Variants in POLE4 observed in about 807,000 individuals in gnomAD.
POLE4 encodes DNA polymerase epsilon subunit 4.
Under a neutral mutation model 15.6 loss-of-function variants are expected in POLE4, and 15 were observed. The ratio of observed to expected loss-of-function variants is 0.96; its 90% CI spans 0.64 to 1.48. The LOEUF (loss-of-function observed/expected upper bound fraction) is 1.48. Among genes scored for constraint, POLE4 ranks in the 40% most tolerant of loss-of-function variants. The pLI is 0.00. For synonymous variants in POLE4, 83 were observed against 63.2 expected (o/e 1.31, Z -1.49); for missense variants, 205 against 151.9 (o/e 1.35, Z -1.84).
Position 74,958,647 on chromosome 2 carries a change from T to G in POLE4, c.-33T>G, listed in dbSNP as rs1671158061. 2.9e-6 allele frequency: 4 copies of G among 1,390,286 alleles called. No homozygotes were observed. Among genetic ancestry groups the G allele is most frequent in the Non-Finnish European group, 3.7e-6 (4 of 1,077,290 alleles). The allele number at this position is 1,390,286 out of a possible 1,614,324, so 86.1% of individuals were successfully genotyped here. Reference sequence around the variant, plus strand: ...GCCTGCGCCGCATGCGCGCGCACAGTCGGCGGCCGCGCGCAGCACGCTCAA... The same window carrying G: ...GCCTGCGCCGCATGCGCGCGCACAGGCGGCGGCCGCGCGCAGCACGCTCAA... On this transcript the variant is annotated 5_prime_UTR_variant, in exon 1 of 4. Transcript: ENST00000483063.
At chr2:74,963,081 A>G (rs72822160) in intron 3 of POLE4, among the ~76,000 whole-genome samples, 2,809 of 152,332 alleles carry the variant, frequency 0.018, 31 homozygotes, top group Non-Finnish European at 0.025. Context: ...ATTATAAACA[A>G]TTTGCTGTGA....
intron 3 of POLE4, chr2:74,961,302 T>A (rs1449732764): frequency 6.6e-6 from 1 of 152,234 alleles, no homozygotes; most frequent in Non-Finnish European, 1.5e-5. Context: ...AGATATTTTT[T>A]AAATGTCTTA....
At chr2:74,959,604 G>A (rs1186335079) in intron 2 of POLE4, 179 bp downstream of exon 2, 2 of 563,704 alleles carry the variant, frequency 3.5e-6, no homozygotes, top group East Asian at 3.0e-5. Flanking sequence ...GCTTGGGGTG[G>A]CGGGGCAGTG....
rs138552089 is a variant in POLE4 at position 74,959,984 on chromosome 2, G to A, written c.299-121G>A. The A allele has an allele frequency of 3.5e-3, 2,602 of 741,924 alleles. 10 individuals carry two copies. The highest frequency in any genetic ancestry group is 5.5e-3 in the Non-Finnish European group (2,263 of 414,744). 46.0% of individuals were successfully genotyped at this position (741,924 alleles called of 1,614,324 possible). A position where few individuals can be genotyped will look rare whatever the true frequency, so the allele number is the denominator to read the frequency against. On this transcript the variant is annotated intron_variant, in intron 2 of 3. Transcript: ENST00000483063. ...TATGGATCTCAAGGCAGCAAGGGACGCATCTTATAAATGCCCTCATTTGCC... is the reference window on the plus strand; with the variant it reads ...TATGGATCTCAAGGCAGCAAGGGACACATCTTATAAATGCCCTCATTTGCC...
chr2:74,958,699 C>A lies in POLE4; in HGVS notation c.20C>A (p.Ala7Glu). ...GCCGGGATGGCGGCGGCGGCGGCGG[C>A]AGGAAGCGGGACGCCCCGAGAGGAG... MAAAAA[A>E]GSGTPREEEG... The change falls in exon 1 of 4, where the codon GCA becomes GAA. Residue 7 changes from alanine (A) to glutamate (E), a missense_variant. Coordinates refer to ENST00000483063, the MANE Select transcript of POLE4 (RefSeq NM_019896.4). The A allele has an allele frequency of 6.8e-7, 1 of 1,473,938 alleles. No homozygotes were observed. Among genetic ancestry groups the A allele is most frequent in the South Asian group, 1.3e-5 (1 of 75,686 alleles). The allele number at this position is 1,473,938 out of a possible 1,614,324, so 91.3% of individuals were successfully genotyped here.
chr2:74,969,272 A>G, intron 3 of POLE4, 137 bp from the exon 4 acceptor site: 1 of 791,280 alleles, frequency 1.3e-6, no homozygotes, highest in Non-Finnish European at 2.3e-6. Flanking sequence ...TGGATGGATC[A>G]TCCTCAAAAT....
chr2:74,963,671 G>A (rs1272235001), intron 3 of POLE4, among the ~76,000 whole-genome samples: 1 of 151,902 alleles, frequency 6.6e-6, no homozygotes, highest in African/African-American at 2.4e-5. Flanking sequence ...CATTTTTTTG[G>A]TAGAGATGGG....
At chr2:74,963,388 G>A (rs1573427960) in intron 3 of POLE4, among the ~76,000 whole-genome samples, 1 of 152,048 alleles carries the variant, frequency 6.6e-6, no homozygotes. Flanking sequence ...GACATTGGGC[G>A]TCTTTTCATA....
Position 74,969,287 on chromosome 2 carries a change from A to G in POLE4, c.341-122A>G, listed in dbSNP as rs149388259. On this transcript the variant is annotated intron_variant, in intron 3 of 3. Transcript: ENST00000483063. ...TGGATGGATCATCCTCAAAATTAGTATTTTGGTCTTAGAGAACTGCTGCCA... is the reference window on the plus strand; with the variant it reads ...TGGATGGATCATCCTCAAAATTAGTGTTTTGGTCTTAGAGAACTGCTGCCA... The G allele has an allele frequency of 1.0e-3, 887 of 852,036 alleles. 9 individuals carry two copies. The highest frequency in any genetic ancestry group is 8.0e-3 in the South Asian group (601 of 74,664). 52.8% of individuals were successfully genotyped at this position (852,036 alleles called of 1,614,324 possible).
At chr2:74,961,244 C>T (rs1317806871) in intron 3 of POLE4, 1 of 152,220 alleles carries the variant, frequency 6.6e-6, no homozygotes, top group East Asian at 1.9e-4. Context: ...CTTTTTTACT[C>T]CTTTGTTCTG....
chr2:74,965,166 T>C (rs1316685186), intron 3 of POLE4, among the ~76,000 whole-genome samples: 1 of 150,996 alleles, frequency 6.6e-6, no homozygotes, highest in African/African-American at 2.4e-5. Flanking sequence ...CGATCTCAGC[T>C]CATTGCAACC....
Position 74,958,707 on chromosome 2 carries a change from G to A in POLE4, c.28G>A (p.Gly10Arg), listed in dbSNP as rs1457915536. 4.7e-6 allele frequency: 7 copies of A among 1,480,912 alleles called. No homozygotes were observed. The highest frequency in any genetic ancestry group is 5.4e-6 in the Non-Finnish European group (6 of 1,120,530). The allele number at this position is 1,480,912 out of a possible 1,614,324, so 91.7% of individuals were successfully genotyped here. The change falls in exon 1 of 4, where the codon GGG becomes AGG. Residue 10 changes from glycine (G) to arginine (R), a missense_variant. By Grantham distance (125) the Gly-to-Arg change is moderately radical. Transcript: ENST00000483063. Reference sequence around the variant, plus strand: ...GGCGGCGGCGGCGGCGGCAGGAAGCGGGACGCCCCGAGAGGAGGAGGGACC... The same window carrying A: ...GGCGGCGGCGGCGGCGGCAGGAAGCAGGACGCCCCGAGAGGAGGAGGGACC... MAAAAAAGS[G>R]TPREEEGPAG...
intron 3 of POLE4, among the ~76,000 whole-genome samples, chr2:74,965,777 T>C (rs1421153312): frequency 4.6e-5 from 7 of 152,224 alleles, no homozygotes; most frequent in Non-Finnish European, 1.0e-4. Context: ...CTTTGAGCCC[T>C]AAAGTCTATT....
intron 3 of POLE4, among the ~76,000 whole-genome samples, chr2:74,967,502 A>C (rs1004899392): frequency 6.6e-5 from 10 of 152,090 alleles, no homozygotes; most frequent in Non-Finnish European, 1.3e-4. Flanking sequence ...TTCTGTAAAC[A>C]TAGTAAACAC....
chr2:74,963,524 C>A (rs550967120), intron 3 of POLE4, among the ~76,000 whole-genome samples: 1 of 151,024 alleles, frequency 6.6e-6, no homozygotes, highest in African/African-American at 2.4e-5. Flanking sequence ...ATTTTTTTGA[C>A]GTGGAGTCTT....
rs1671340528 is a variant in POLE4, at chr2:74,969,494, T to G, written c.*72T>G. On this transcript the variant is annotated 3_prime_UTR_variant, in exon 4 of 4. Transcript: ENST00000483063. ...TCACCCCTCTGCACAGGCCTCAGCTTTGAAGAACGGAGTCTTTGCACTTAC... is the reference window on the plus strand; with the variant it reads ...TCACCCCTCTGCACAGGCCTCAGCTGTGAAGAACGGAGTCTTTGCACTTAC... 5.0e-6 allele frequency: 7 copies of G among 1,399,168 alleles called. No homozygotes were observed. The South Asian group carries it at 8.1e-5, about 16-fold the overall frequency. 86.7% of individuals were successfully genotyped at this position (1,399,168 alleles called of 1,614,324 possible).
intron 3 of POLE4, among the ~76,000 whole-genome samples, chr2:74,962,337 CT>C: frequency 6.6e-6 from 1 of 152,148 alleles, no homozygotes; most frequent in Non-Finnish European, 1.5e-5. Flanking sequence ...TAGTTCACAT[CT>C]AGCTATCAAT....
At position 74,958,690 on chromosome 2, in the gene POLE4, C is replaced by T. The variant is rs1243658787; in HGVS notation, c.11C>T (p.Ala4Val). ...ACGCTCAAGGCCGGGATGGCGGCGG[C>T]GGCGGCGGCAGGAAGCGGGACGCCC... MAA[A>V]AAAGSGTPRE... The change falls in exon 1 of 4, where the codon GCG becomes GTG. Residue 4 changes from alanine (A) to valine (V), a missense_variant. Coordinates refer to ENST00000483063, the MANE Select transcript of POLE4 (RefSeq NM_019896.4). The T allele has an allele frequency of 2.7e-6, 4 of 1,466,102 alleles. No homozygotes were observed. Among genetic ancestry groups the T allele is most frequent in the Non-Finnish European group, 3.6e-6 (4 of 1,114,724 alleles). 90.8% of individuals were successfully genotyped at this position (1,466,102 alleles called of 1,614,324 possible). A position where few individuals can be genotyped will look rare whatever the true frequency, so the allele number is the denominator to read the frequency against.
rs368500601 is a variant in POLE4 at position 74,959,038 on chromosome 2, G to A, written c.213+146G>A. On this transcript the variant is annotated intron_variant, in intron 1 of 3. Coordinates refer to ENST00000483063, the MANE Select transcript of POLE4 (RefSeq NM_019896.4). The stretch of plus-strand genomic sequence containing the variant: ...ACCCGGAAGGCGGAGGAAAGGGGCC[G>A]GGGACCTGTGCGAGTTTTGTTAACA... The A allele has an allele frequency of 4.6e-5, 33 of 715,472 alleles. No individual in the cohort carries two copies. In the East Asian group the frequency reaches 6.3e-4, roughly 14 times the overall value. 44.3% of individuals were successfully genotyped at this position (715,472 alleles called of 1,614,324 possible). A position where few individuals can be genotyped will look rare whatever the true frequency, so the allele number is the denominator to read the frequency against.
Sources: allele counts gnomAD v4.1 joint callset (sites outside exome capture counted in the v4.1 genomes callset), GRCh38; gene constraint gnomAD v4.1.1; transcripts MANE v1.5; gene names NCBI Gene and HGNC (gene_info 2026-07-23, HGNC 2026-07-21).